The following TENM3 variants were observed in gnomAD, a reference collection of about 807,000 sequenced individuals.
TENM3 encodes the protein teneurin transmembrane protein 3.
A neutral mutation model predicts 255.1 loss-of-function variants in TENM3; 63 were observed. That is an observed-to-expected ratio of 0.25 (90% confidence interval 0.20 to 0.30). The LOEUF (loss-of-function observed/expected upper bound fraction) is 0.30, where lower values mean the gene tolerates loss of function less well. TENM3 is among the 10% of genes least tolerant of loss of function. The pLI, the probability that TENM3 is intolerant of heterozygous loss-of-function variation, is 1.00. For synonymous variants in TENM3, 1,306 were observed against 1,322.3 expected (o/e 0.99, Z 0.27); for missense variants, 2,929 against 3,461.1 (o/e 0.85, Z 3.86).
chr4:182,560,355 C>T (rs184061135), intron 3 of TENM3, among the ~76,000 whole-genome samples: 3 of 152,106 alleles, frequency 2.0e-5, no homozygotes, highest in East Asian at 3.9e-4. Context: ...AACATTAACT[C>T]GAGAGTAGAT....
intron 1 of TENM3, among the ~76,000 whole-genome samples, chr4:182,161,624 T>TACATACAC (rs1554023469): frequency 1.1e-5 from 1 of 90,006 alleles, no homozygotes; most frequent in Non-Finnish European, 2.1e-5. Context: ...TATATATATA[T>TACATACAC]ACAAATATAT....
chr4:181,699,459 A>G, the TENM3 span, among the ~76,000 whole-genome samples: 2 of 147,518 alleles, frequency 1.4e-5, no homozygotes, highest in African/African-American at 2.5e-5. Flanking sequence ...AAAAAAAAAA[A>G]AAAAAAAAAA....
At chr4:181,619,969 TAACA>T in the TENM3 span, among the ~76,000 whole-genome samples, 1 of 152,174 alleles carries the variant, frequency 6.6e-6, no homozygotes, top group African/African-American at 2.4e-5. Flanking sequence ...ATTTGATGTG[TAACA>T]AACTATATTT....
the TENM3 span, among the ~76,000 whole-genome samples, chr4:181,487,226 G>T: frequency 1.3e-5 from 2 of 152,154 alleles, no homozygotes; most frequent in Non-Finnish European, 2.9e-5. Flanking sequence ...GCTTGTTTTA[G>T]ATAGGTTAGT....
At chr4:182,072,175 T>A in the TENM3 span, among the ~76,000 whole-genome samples, 1 of 152,212 alleles carries the variant, frequency 6.6e-6, no homozygotes, top group African/African-American at 2.4e-5. Flanking sequence ...TGGGATACTT[T>A]TCAACTATCA....
chr4:182,567,486 T>TAA, intron 3 of TENM3, among the ~76,000 whole-genome samples: 1 of 152,272 alleles, frequency 6.6e-6, no homozygotes, highest in Middle Eastern at 3.4e-3. Context: ...AGGTAGTCTT[T>TAA]AAAATGGCCT....
the TENM3 span, among the ~76,000 whole-genome samples, chr4:181,557,265 G>A: frequency 2.0e-5 from 3 of 152,210 alleles, no homozygotes; most frequent in African/African-American, 7.2e-5. Flanking sequence ...AAGGTCAATG[G>A]GTCACAATGT....
At chr4:182,123,781 C>T in the TENM3 span, among the ~76,000 whole-genome samples, 5 of 152,266 alleles carry the variant, frequency 3.3e-5, no homozygotes, top group East Asian at 1.9e-4. Context: ...ATTAGACTTA[C>T]TCGACTCAGG....
At chr4:182,679,912 A>G in intron 8 of TENM3, 36 bp downstream of exon 8, 1 of 1,545,412 alleles carries the variant, frequency 6.5e-7, no homozygotes, top group Non-Finnish European at 8.8e-7. Context: ...TTTCCAGGCT[A>G]TAGCCTAAAC....
the TENM3 span, among the ~76,000 whole-genome samples, chr4:181,689,211 A>G: frequency 6.6e-6 from 1 of 152,364 alleles, no homozygotes; most frequent in Non-Finnish European, 1.5e-5. Context: ...TTTATTGCAC[A>G]AAATCTCGGG....
chr4:181,468,357 C>T, the TENM3 span, among the ~76,000 whole-genome samples: 2 of 152,082 alleles, frequency 1.3e-5, no homozygotes, highest in Admixed American at 6.6e-5. Context: ...GGTTTTATTC[C>T]CTTCCTTTAT....
chr4:182,404,996 G>C (rs112388745), intron 3 of TENM3, among the ~76,000 whole-genome samples: 84 of 152,314 alleles, frequency 5.5e-4, no homozygotes, highest in African/African-American at 1.9e-3. Context: ...GAAGGTGGCT[G>C]AGAATGGCTG....
chr4:182,793,506 A>G lies in TENM3; in HGVS notation c.6834A>G (p.Gln2278=), dbSNP rs1277420604. 1 of 1,613,984 alleles carries G rather than the reference A, an allele frequency of 6.2e-7. No homozygotes were observed. Among genetic ancestry groups the G allele is most frequent in the Non-Finnish European group, 8.5e-7 (1 of 1,179,882 alleles). The change falls in exon 26 of 28, where the codon CAA becomes CAG. Residue 2278 remains glutamine (Q), a synonymous_variant. Coordinates refer to ENST00000511685, the MANE Select transcript of TENM3 (RefSeq NM_001080477.4). This position sits in a 1 kb window ranked among gnomAD's most constrained non-coding sequence, Gnocchi z 5.7. ...TTACCTCCCTGTATTATGATCTCCA[A>G]GGACATCTTTTTGCCATGGAAATCA... ...SEITSLYYDL[Q]GHLFAMEISS...
At chr4:182,099,219 C>T in the TENM3 span, among the ~76,000 whole-genome samples, 1 of 152,044 alleles carries the variant, frequency 6.6e-6, no homozygotes, top group African/African-American at 2.4e-5. Context: ...CCACCTTGGC[C>T]TCCCAAAGTG....
chr4:182,637,539 A>G (rs183215182), intron 5 of TENM3, among the ~76,000 whole-genome samples: 2 of 152,344 alleles, frequency 1.3e-5, no homozygotes, highest in East Asian at 3.9e-4. Context: ...TCTCTAAAAA[A>G]TAAAAAATAG....
At chr4:182,540,425 A>G (rs955070562) in intron 3 of TENM3, among the ~76,000 whole-genome samples, 2 of 152,150 alleles carry the variant, frequency 1.3e-5, no homozygotes, top group Non-Finnish European at 1.5e-5. Flanking sequence ...CCCCGTCTCT[A>G]CTAAAAATAC....
the TENM3 span, among the ~76,000 whole-genome samples, chr4:181,888,544 A>ATGTG: frequency 1.9e-4 from 22 of 115,658 alleles, 1 homozygote; most frequent in African/African-American, 7.3e-4. Context: ...GTGTATATAT[A>ATGTG]TATATGTATA....
the TENM3 span, among the ~76,000 whole-genome samples, chr4:182,028,737 T>C: frequency 6.6e-6 from 1 of 152,204 alleles, no homozygotes; most frequent in Admixed American, 6.5e-5. Flanking sequence ...TTTAATTTGC[T>C]TGTATTTGTA....
At chr4:181,814,789 G>C in the TENM3 span, among the ~76,000 whole-genome samples, 1 of 152,046 alleles carries the variant, frequency 6.6e-6, no homozygotes, top group Non-Finnish European at 1.5e-5. Flanking sequence ...GCAAACATTT[G>C]GGACTAGCAA....
Sources: allele counts gnomAD v4.1 joint callset (sites outside exome capture counted in the v4.1 genomes callset), GRCh38; gene constraint gnomAD v4.1.1; non-coding constraint Gnocchi (gnomAD v3.1); transcripts MANE v1.5; gene names NCBI Gene and HGNC (gene_info 2026-07-23, HGNC 2026-07-21).